Variants in AATF observed in about 807,000 individuals in gnomAD.
AATF encodes the protein apoptosis antagonizing transcription factor.
AATF carries 48 observed loss-of-function variants against 63.7 expected under a neutral mutation model. The observed-to-expected ratio is 0.75, with a 90% CI of 0.60 to 0.96. The LOEUF (loss-of-function observed/expected upper bound fraction) is 0.96, where lower values mean the gene tolerates loss of function less well. Ranked by LOEUF, AATF falls within the 40% of genes least tolerant of loss-of-function variation. AATF has a pLI of 0.00. For synonymous variants in AATF, 258 were observed against 247.7 expected (o/e 1.04, Z -0.39); for missense variants, 639 against 685.7 (o/e 0.93, Z 0.76).
At chr17:36,998,214 A>C (rs1203397068) in intron 8 of AATF, among the ~76,000 whole-genome samples, 1 of 150,846 alleles carries the variant, frequency 6.6e-6, no homozygotes, top group Non-Finnish European at 1.5e-5. Context: ...GTAACCCAGT[A>C]ACTTATGGAA....
intron 8 of AATF, among the ~76,000 whole-genome samples, chr17:37,002,716 C>T (rs2071310273): frequency 6.6e-6 from 1 of 150,534 alleles, no homozygotes; most frequent in East Asian, 1.9e-4. Context: ...TAGGAATAAA[C>T]TTAACCTAGA....
chr17:36,949,245 C>T, intron 1 of AATF, 29 bp downstream of exon 1: 2 of 1,564,554 alleles, frequency 1.3e-6, no homozygotes, highest in Non-Finnish European at 1.7e-6. Flanking sequence ...AGGCCACGTG[C>T]GGAGCGGTGG....
At chr17:37,009,697 G>C (rs145721896) in intron 8 of AATF, among the ~76,000 whole-genome samples, 5,633 of 149,952 alleles carry the variant, frequency 0.038, 354 homozygotes, top group African/African-American at 0.13. Context: ...GGCGCCTGTA[G>C]TCCCAGCTAC....
chr17:37,024,946 G>A (rs756174783), intron 10 of AATF, among the ~76,000 whole-genome samples: 8 of 151,838 alleles, frequency 5.3e-5, no homozygotes, highest in African/African-American at 1.2e-4. Context: ...GTCACAGAGC[G>A]AGACCCTGTC....
At chr17:36,968,602 TA>T (rs2071014632) in intron 4 of AATF, among the ~76,000 whole-genome samples, 1 of 152,002 alleles carries the variant, frequency 6.6e-6, no homozygotes, top group African/African-American at 2.4e-5. Flanking sequence ...TATTTTATTT[TA>T]TTTTATTGTT....
chr17:37,003,242 C>G (rs1267202030), intron 8 of AATF, among the ~76,000 whole-genome samples: 6 of 152,004 alleles, frequency 3.9e-5, no homozygotes, highest in Non-Finnish European at 7.4e-5. Context: ...GGTGTTGGAG[C>G]AACTGGATAT....
intron 8 of AATF, among the ~76,000 whole-genome samples, chr17:37,006,341 T>C (rs2071341351): frequency 6.6e-6 from 1 of 151,906 alleles, no homozygotes; most frequent in Non-Finnish European, 1.5e-5. Context: ...TGGTGGTGCA[T>C]GCCTGTAATC....
In AATF at chr17:36,958,092, C is replaced by T. The variant is rs945774337; in HGVS notation, c.832+4185C>T. On this transcript the variant is annotated intron_variant, in intron 4 of 11. Coordinates refer to ENST00000619387, the MANE Select transcript of AATF (RefSeq NM_012138.4). ...CATAAGTGGTAAGTCATGGAGTAAT[C>T]TTAACAAAATTAAGGGATTTTCTGT... Among the ~76,000 whole-genome samples, 6 of 152,198 alleles carry T rather than the reference C, an allele frequency of 3.9e-5. No homozygotes were observed. In the South Asian group the frequency reaches 1.2e-3, roughly 32 times the overall value.
rs34540790 is a variant in AATF at position 36,988,104 on chromosome 17, A to G, written c.948-415A>G. ...CGAGGCAGGTGGATCACTGGAGGCC[A>G]GGAGTTTGAAACCAGCTTGGCCAAC... On this transcript the variant is annotated intron_variant, in intron 5 of 11. Coordinates refer to ENST00000619387, the MANE Select transcript of AATF (RefSeq NM_012138.4). Among the ~76,000 whole-genome samples, 726 of 152,332 alleles carry G rather than the reference A, an allele frequency of 4.8e-3. 6 individuals carry two copies. Among genetic ancestry groups the G allele is most frequent in the African/African-American group, 0.016 (670 of 41,578 alleles).
At position 36,968,468 on chromosome 17, in the gene AATF, G is replaced by A. The variant is rs577970052; in HGVS notation, c.832+14561G>A. 2.3e-3 allele frequency among the ~76,000 whole-genome samples: 343 copies of A among 150,564 alleles called. 3 individuals are homozygous for A. Among genetic ancestry groups the A allele is most frequent in the Middle Eastern group, 0.021 (6 of 292 alleles). ...TCTTTGTAGTTTTTGTAGAGATGAG[G>A]TTTTGCTGTGTTGGCCAGGCTTGTC... On this transcript the variant is annotated intron_variant, in intron 4 of 11. Transcript: ENST00000619387.
At chr17:36,984,328 G>C (rs919086123) in intron 4 of AATF, among the ~76,000 whole-genome samples, 23 of 152,292 alleles carry the variant, frequency 1.5e-4, no homozygotes, top group African/African-American at 5.3e-4. Flanking sequence ...TAAACATCTA[G>C]AATAAGAGCA....
chr17:37,023,904 T>C (rs2071492063), intron 10 of AATF, among the ~76,000 whole-genome samples: 1 of 151,996 alleles, frequency 6.6e-6, no homozygotes, highest in Admixed American at 6.5e-5. Context: ...TAAAGTGGCA[T>C]AGTATTTGCA....
At chr17:36,958,136 A>G (rs936873190) in intron 4 of AATF, among the ~76,000 whole-genome samples, 8 of 151,968 alleles carry the variant, frequency 5.3e-5, no homozygotes, top group Non-Finnish European at 1.0e-4. Context: ...CCATTTCTCT[A>G]AAAGGGTTTG....
chr17:36,966,191 A>G (rs1233478257), intron 4 of AATF, among the ~76,000 whole-genome samples: 1 of 151,980 alleles, frequency 6.6e-6, no homozygotes, highest in Non-Finnish European at 1.5e-5. Flanking sequence ...GTTCCGAAAG[A>G]TTTTTGAAGC....
chr17:36,988,212 G>A (rs1020483560), intron 5 of AATF, among the ~76,000 whole-genome samples: 1 of 152,136 alleles, frequency 6.6e-6, no homozygotes, highest in African/African-American at 2.4e-5. Flanking sequence ...AGCTACCCAT[G>A]AGGCTGAGGC....
chr17:36,957,593 T>C (rs2070912390), intron 4 of AATF, among the ~76,000 whole-genome samples: 1 of 152,254 alleles, frequency 6.6e-6, no homozygotes, highest in African/African-American at 2.4e-5. Flanking sequence ...CTTATTGCTA[T>C]ACCCAGCTAC....
chr17:36,996,766 C>T (rs928171200), intron 8 of AATF, among the ~76,000 whole-genome samples: 5 of 152,140 alleles, frequency 3.3e-5, no homozygotes, highest in African/African-American at 1.2e-4. Context: ...GAAGCAAAAG[C>T]CACATTTTTA....
chr17:37,009,823 CAA>C (rs1160362372), intron 8 of AATF, among the ~76,000 whole-genome samples: 86 of 28,794 alleles, frequency 3.0e-3, no homozygotes, highest in African/African-American at 7.2e-3. Context: ...GACTCCGTCT[CAA>C]AAAAAAAAAA....
chr17:37,044,043 A>G (rs544511857), intron 11 of AATF, among the ~76,000 whole-genome samples: 1 of 152,208 alleles, frequency 6.6e-6, no homozygotes, highest in Non-Finnish European at 1.5e-5. Flanking sequence ...AGTTGGGTAG[A>G]GGCTTCCTGT....
Sources: gnomAD v4.1 joint callset for allele counts (sites outside exome capture counted in the v4.1 genomes callset) on GRCh38, gnomAD v4.1.1 for gene constraint, MANE v1.5 for transcripts, NCBI Gene and HGNC (gene_info 2026-07-23, HGNC 2026-07-21) for gene names.